Variants in PEX14 observed in about 807,000 individuals in gnomAD.
PEX14 encodes peroxisomal biogenesis factor 14.
Under a neutral mutation model 49.5 loss-of-function variants are expected in PEX14, and 15 were observed. The observed-to-expected ratio is 0.30, with a 90% confidence interval of 0.20 to 0.47. PEX14 has a LOEUF of 0.47. Among genes scored for constraint, PEX14 ranks in the 20% least tolerant of loss-of-function variants. The pLI, the probability that PEX14 is intolerant of heterozygous loss-of-function variation, is 1.00. For missense variants in PEX14, 398 were observed against 494.8 expected (o/e 0.80, Z 1.86); for synonymous variants, 210 against 212.7 (o/e 0.99, Z 0.11).
intron 3 of PEX14, among the ~76,000 whole-genome samples, chr1:10,558,749 A>AG (rs1385090215): frequency 2.0e-5 from 3 of 151,926 alleles, no homozygotes; most frequent in Non-Finnish European, 2.9e-5. Context: ...AAAAAAAAAA[A>AG]AAAAAAAGAA....
chr1:10,624,890 G>A (rs1641700768), intron 7 of PEX14, among the ~76,000 whole-genome samples: 1 of 152,152 alleles, frequency 6.6e-6, no homozygotes. Flanking sequence ...ACACCGCAGT[G>A]CAGCGGGCAG....
intron 1 of PEX14, among the ~76,000 whole-genome samples, chr1:10,482,745 T>A (rs939572554): frequency 7.9e-5 from 12 of 152,334 alleles, no homozygotes; most frequent in Admixed American, 7.2e-4. Flanking sequence ...GCCATTCTAC[T>A]TTTAATGGAC....
At chr1:10,515,369 T>C (rs1419998251) in intron 2 of PEX14, among the ~76,000 whole-genome samples, 1 of 152,192 alleles carries the variant, frequency 6.6e-6, no homozygotes, top group African/African-American at 2.4e-5. Flanking sequence ...AATACATTAA[T>C]GCATTTAATA....
chr1:10,521,182 T>C (rs978713709), intron 2 of PEX14, among the ~76,000 whole-genome samples: 5 of 151,760 alleles, frequency 3.3e-5, no homozygotes, highest in African/African-American at 9.7e-5. Context: ...TCTCTCCTTT[T>C]CTTTTCTTTT....
chr1:10,548,244 A>G (rs937111229), intron 3 of PEX14, among the ~76,000 whole-genome samples: 1 of 152,170 alleles, frequency 6.6e-6, no homozygotes, highest in African/African-American at 2.4e-5. Context: ...CAAAACAAAA[A>G]GAAAAATTTC....
At chr1:10,626,649 C>T (rs1302492003) in intron 7 of PEX14, among the ~76,000 whole-genome samples, 1 of 152,204 alleles carries the variant, frequency 6.6e-6, no homozygotes, top group East Asian at 1.9e-4. Flanking sequence ...CATCTGTGCA[C>T]TTAAAGATGG....
intron 4 of PEX14, chr1:10,616,835 G>A (rs1345538521): frequency 2.0e-5 from 3 of 152,056 alleles, no homozygotes; most frequent in African/African-American, 7.3e-5. Context: ...AAAGAGAATC[G>A]GCCGGGCGCG....
At chr1:10,476,750 C>G (rs1641202758) in intron 1 of PEX14, among the ~76,000 whole-genome samples, 1 of 152,132 alleles carries the variant, frequency 6.6e-6, no homozygotes. Context: ...CTCAGCCTCC[C>G]AAAGTGCTGA....
chr1:10,590,768 T>C (rs970920774), intron 3 of PEX14, among the ~76,000 whole-genome samples: 2 of 152,246 alleles, frequency 1.3e-5, no homozygotes, highest in African/African-American at 4.8e-5. Context: ...ATTGACCTAT[T>C]AGGACATAGC....
chr1:10,589,399 T>G (rs1640592927), intron 3 of PEX14, among the ~76,000 whole-genome samples: 1 of 152,132 alleles, frequency 6.6e-6, no homozygotes, highest in South Asian at 2.1e-4. Context: ...CCGGGTGTAG[T>G]GTAATTTCCC....
intron 6 of PEX14, 65 bp from the exon 7 acceptor site, chr1:10,624,275 G>A: frequency 9.7e-7 from 1 of 1,029,554 alleles, no homozygotes; most frequent in Non-Finnish European, 1.5e-6. Flanking sequence ...GAGGTGTGCG[G>A]ACCGAGCGAG....
Position 10,539,084 on chromosome 1 carries a change from G to A in PEX14, c.169+2787G>A, listed in dbSNP as rs922352168. 2.0e-5 allele frequency among the ~76,000 whole-genome samples: 3 copies of A among 152,042 alleles called. No homozygotes were observed. Among genetic ancestry groups the A allele is most frequent in the Non-Finnish European group, 4.4e-5 (3 of 68,036 alleles). On this transcript the variant is annotated intron_variant, in intron 3 of 8. Coordinates refer to ENST00000356607, the MANE Select transcript of PEX14 (RefSeq NM_004565.3). The surrounding 1 kb of genome is among the most constrained non-coding windows in gnomAD (Gnocchi z 4.6). ...ATGTCAGTTCAGTGGAAAATGAGGC[G>A]CATCAGCTGAGTTTGTTTCATTGTG...
intron 3 of PEX14, among the ~76,000 whole-genome samples, chr1:10,557,696 C>T (rs964185129): frequency 2.0e-5 from 3 of 152,236 alleles, no homozygotes; most frequent in Non-Finnish European, 4.4e-5. Flanking sequence ...GTGATTTCAG[C>T]TTACAGCCTC....
chr1:10,573,840 C>T (rs978208323), intron 3 of PEX14, among the ~76,000 whole-genome samples: 2 of 152,340 alleles, frequency 1.3e-5, no homozygotes, highest in Middle Eastern at 6.8e-3. Flanking sequence ...GTAGCTCACG[C>T]CTGTAATCCC....
In PEX14 at chr1:10,475,016, G is replaced by C; in HGVS notation, c.36+14G>C. The C allele has an allele frequency of 6.2e-7, 1 of 1,606,744 alleles. No homozygotes were observed. Among genetic ancestry groups the C allele is most frequent in the South Asian group, 1.1e-5 (1 of 89,672 alleles). ...CAGCCGAGCCAGGTAAGGGGAGTGG[G>C]ACTGCCCCGCTGTGCGGCGGAGACC... On this transcript the variant is annotated intron_variant, in intron 1 of 8. Coordinates refer to ENST00000356607, the MANE Select transcript of PEX14 (RefSeq NM_004565.3).
chr1:10,483,594 C>T (rs1342730651), intron 1 of PEX14, among the ~76,000 whole-genome samples: 1 of 151,740 alleles, frequency 6.6e-6, no homozygotes, highest in Non-Finnish European at 1.5e-5. Flanking sequence ...GGATTATAGG[C>T]GTGAGCCACT....
intron 2 of PEX14, among the ~76,000 whole-genome samples, chr1:10,507,827 A>G (rs1049466626): frequency 3.3e-5 from 5 of 152,182 alleles, no homozygotes; most frequent in African/African-American, 7.2e-5. Context: ...CTGTGTTTCT[A>G]TCAACATCCA....
At chr1:10,548,294 A>G (rs1360904595) in intron 3 of PEX14, among the ~76,000 whole-genome samples, 1 of 152,220 alleles carries the variant, frequency 6.6e-6, no homozygotes, top group Non-Finnish European at 1.5e-5. Context: ...AGTTCTTTTA[A>G]TGAGATTTAT....
intron 3 of PEX14, among the ~76,000 whole-genome samples, chr1:10,563,640 T>G (rs1639716940): frequency 6.7e-6 from 1 of 149,536 alleles, no homozygotes; most frequent in African/African-American, 2.5e-5. Context: ...AATAAAAAAG[T>G]TGGGCCGGGC....
Sources: allele counts gnomAD v4.1 joint callset (sites outside exome capture counted in the v4.1 genomes callset), GRCh38; gene constraint gnomAD v4.1.1; non-coding constraint Gnocchi (gnomAD v3.1); transcripts MANE v1.5; gene names NCBI Gene and HGNC (gene_info 2026-07-23, HGNC 2026-07-21).